KLF12: variants seen among roughly 807,000 people sequenced by gnomAD.
KLF12 encodes Krueppel-like factor 12.
KLF12 carries 9 observed loss-of-function variants against 37.8 expected under a neutral mutation model. That is an observed-to-expected ratio of 0.24 (90% CI 0.14 to 0.42). KLF12 has a LOEUF of 0.42. KLF12 is among the 10% of genes least tolerant of loss of function. KLF12 has a pLI of 1.00. For missense variants in KLF12, 411 were observed against 516.0 expected, an observed-to-expected ratio of 0.80 and a Z score of 1.97; for synonymous variants, 208 against 202.1, an observed-to-expected ratio of 1.03 and a Z score of -0.25.
At chr13:74,166,052 C>T in the KLF12 span, among the ~76,000 whole-genome samples, 9 of 148,150 alleles carry the variant, frequency 6.1e-5, no homozygotes, top group South Asian at 4.3e-4. Context: ...CAGGATGGAT[C>T]GATTGCACAG....
chr13:73,729,125 T>A (rs77161314), intron 6 of KLF12, among the ~76,000 whole-genome samples: 20,688 of 152,170 alleles, frequency 0.14, 1,831 homozygotes, highest in Middle Eastern at 0.22. Flanking sequence ...TTCATATCAC[T>A]AAAGTTTCAC....
chr13:74,074,606 A>C (rs1424353560), intron 1 of KLF12, among the ~76,000 whole-genome samples: 1 of 152,018 alleles, frequency 6.6e-6, no homozygotes, highest in Non-Finnish European at 1.5e-5. Context: ...TAATACCATC[A>C]CATTGGCCAT....
chr13:74,195,528 C>T, the KLF12 span, among the ~76,000 whole-genome samples: 1 of 152,186 alleles, frequency 6.6e-6, no homozygotes, highest in Non-Finnish European at 1.5e-5. Context: ...GATTGGGAAG[C>T]AGTCTTGGTT....
intron 4 of KLF12, among the ~76,000 whole-genome samples, chr13:73,814,707 C>T (rs1193756982): frequency 6.6e-6 from 1 of 151,818 alleles, no homozygotes; most frequent in Admixed American, 6.6e-5. Context: ...ATTTGCCTCC[C>T]AAGAGACACC....
chr13:73,770,975 A>G (rs1880230951), intron 5 of KLF12, among the ~76,000 whole-genome samples: 1 of 152,186 alleles, frequency 6.6e-6, no homozygotes, highest in African/African-American at 2.4e-5. Context: ...TTCTAAAAAG[A>G]GCATTTGGTG....
chr13:73,701,031 T>C (rs1337347943), intron 7 of KLF12, among the ~76,000 whole-genome samples: 1 of 152,174 alleles, frequency 6.6e-6, no homozygotes, highest in Non-Finnish European at 1.5e-5. Context: ...AAGAACAGAA[T>C]TGTCTTTTTT....
At chr13:74,130,815 A>C (rs574222070) in intron 1 of KLF12, among the ~76,000 whole-genome samples, 10 of 152,242 alleles carry the variant, frequency 6.6e-5, no homozygotes, top group Non-Finnish European at 1.0e-4. Context: ...TACTAGTTTT[A>C]TAGTTTAATA....
chr13:74,087,549 G>A (rs1266037214), intron 1 of KLF12, among the ~76,000 whole-genome samples: 1 of 152,132 alleles, frequency 6.6e-6, no homozygotes, highest in Non-Finnish European at 1.5e-5. Flanking sequence ...GTGCCAAGAT[G>A]TGTGTCAGTC....
intron 6 of KLF12, among the ~76,000 whole-genome samples, chr13:73,750,234 C>G (rs1456192287): frequency 2.0e-5 from 3 of 152,164 alleles, no homozygotes; most frequent in Admixed American, 6.6e-5. Flanking sequence ...TGGGAAACAG[C>G]CATCAAAATG....
At chr13:73,946,128 T>C (rs1354091020) in intron 2 of KLF12, among the ~76,000 whole-genome samples, 1 of 152,150 alleles carries the variant, frequency 6.6e-6, no homozygotes, top group Non-Finnish European at 1.5e-5. Flanking sequence ...CTGTAGGCTG[T>C]TTGGCTGGTA....
At chr13:73,868,337 G>T (rs1377297056) in intron 3 of KLF12, among the ~76,000 whole-genome samples, 6 of 132,944 alleles carry the variant, frequency 4.5e-5, no homozygotes, top group East Asian at 2.5e-4. Flanking sequence ...TGGGGGGGGG[G>T]GGTGATTTCA....
At chr13:73,920,194 A>C (rs938610631) in intron 3 of KLF12, among the ~76,000 whole-genome samples, 1 of 152,226 alleles carries the variant, frequency 6.6e-6, no homozygotes, top group African/African-American at 2.4e-5. Flanking sequence ...CTTCATGTAT[A>C]AATTACATGA....
chr13:74,120,383 G>A (rs1445169565), intron 1 of KLF12, among the ~76,000 whole-genome samples: 6 of 152,192 alleles, frequency 3.9e-5, no homozygotes, highest in African/African-American at 1.4e-4. Flanking sequence ...AGGAGCGTGA[G>A]CCATGAGAAT....
chr13:74,138,907 G>C (rs931765413), upstream of KLF12, among the ~76,000 whole-genome samples: 2 of 152,074 alleles, frequency 1.3e-5, no homozygotes, highest in Non-Finnish European at 2.9e-5. Context: ...CACACCTTGC[G>C]ATGATCTTCC....
At chr13:74,134,681 G>C, upstream of KLF12, among the ~76,000 whole-genome samples, 1 of 152,090 alleles carries the variant, frequency 6.6e-6, no homozygotes, top group East Asian at 1.9e-4. Flanking sequence ...GCCCGCGGGG[G>C]CTTGCGGCGG....
chr13:73,812,872 A>ATT (rs941969906), intron 5 of KLF12: 505 of 243,490 alleles, frequency 2.1e-3, no homozygotes, highest in East Asian at 2.8e-3. Flanking sequence ...AAAAATAACA[A>ATT]TTTTTTTTTT....
At chr13:73,966,935 A>G (rs1038096566) in intron 2 of KLF12, among the ~76,000 whole-genome samples, 1 of 152,228 alleles carries the variant, frequency 6.6e-6, no homozygotes, top group Non-Finnish European at 1.5e-5. Context: ...ATGTAAAATG[A>G]CATGCATTGC....
At chr13:74,139,400 A>G in the KLF12 span, among the ~76,000 whole-genome samples, 115 of 152,332 alleles carry the variant, frequency 7.5e-4, no homozygotes, top group Non-Finnish European at 7.9e-4. Flanking sequence ...AACAACTATA[A>G]TATATAAACA....
chr13:74,197,654 A>G, the KLF12 span, among the ~76,000 whole-genome samples: 1 of 152,244 alleles, frequency 6.6e-6, no homozygotes, highest in Non-Finnish European at 1.5e-5. Context: ...TAAGGGAAAT[A>G]TATAAATGTT....
Sources: gnomAD v4.1 joint callset for allele counts (sites outside exome capture counted in the v4.1 genomes callset) on GRCh38, gnomAD v4.1.1 for gene constraint, MANE v1.5 for transcripts, NCBI Gene and HGNC (gene_info 2026-07-23, HGNC 2026-07-21) for gene names.